Variants in TENM4 observed in about 807,000 individuals in gnomAD.
The protein encoded by TENM4 is teneurin transmembrane protein 4.
A neutral mutation model predicts 243.3 loss-of-function variants in TENM4; 82 were observed. The ratio of observed to expected loss-of-function variants is 0.34; its 90% CI spans 0.28 to 0.40. The LOEUF (loss-of-function observed/expected upper bound fraction) is 0.40, where lower values mean the gene tolerates loss of function less well. Ranked by LOEUF, TENM4 falls within the 10% of genes least tolerant of loss-of-function variation. The pLI is 1.00. For synonymous variants in TENM4, 1,412 were observed against 1,456.3 expected, an observed-to-expected ratio of 0.97 and a Z score of 0.69; for missense variants, 3,138 against 3,673.3, an observed-to-expected ratio of 0.85 and a Z score of 3.77.
At chr11:78,869,131 CAG>C (rs1427468374) in intron 9 of TENM4, among the ~76,000 whole-genome samples, 1 of 151,584 alleles carries the variant, frequency 6.6e-6, no homozygotes, top group Non-Finnish European at 1.5e-5. Context: ...GGCAGGATAA[CAG>C]AAAAAAAATT....
intron 28 of TENM4, among the ~76,000 whole-genome samples, chr11:78,697,062 C>T (rs1044485632): frequency 6.6e-5 from 10 of 152,174 alleles, no homozygotes; most frequent in African/African-American, 2.4e-4. Context: ...TCCCCCAGGT[C>T]GACCACAAAG....
chr11:79,111,428 T>C (rs144481936), intron 4 of TENM4, among the ~76,000 whole-genome samples: 2,739 of 152,058 alleles, frequency 0.018, 79 homozygotes, highest in South Asian at 0.065. Context: ...ACCTGTAGTC[T>C]CAGCTACTTG....
At chr11:78,683,960 C>T (rs148153163) in intron 29 of TENM4, among the ~76,000 whole-genome samples, 5 of 152,170 alleles carry the variant, frequency 3.3e-5, no homozygotes, top group African/African-American at 4.8e-5. Context: ...GCACTGCCCC[C>T]GTCTTCAGTA....
At chr11:79,308,218 T>G (rs1856659340) in intron 1 of TENM4, among the ~76,000 whole-genome samples, 1 of 152,264 alleles carries the variant, frequency 6.6e-6, no homozygotes, top group Non-Finnish European at 1.5e-5. Flanking sequence ...CCATGGACCT[T>G]TTTGAAACTT....
chr11:78,997,486 C>T (rs1473967850), intron 6 of TENM4, among the ~76,000 whole-genome samples: 2 of 152,162 alleles, frequency 1.3e-5, no homozygotes, highest in Non-Finnish European at 2.9e-5. Context: ...GGTTAAAATA[C>T]GTGCCATAGT....
intron 1 of TENM4, among the ~76,000 whole-genome samples, chr11:79,361,981 A>G (rs1308519971): frequency 1.3e-5 from 2 of 152,184 alleles, no homozygotes; most frequent in Non-Finnish European, 2.9e-5. Context: ...GTGCCTCAAC[A>G]CAGTACATAT....
chr11:78,982,541 T>TGGG (rs1450177216), intron 6 of TENM4, among the ~76,000 whole-genome samples: 1 of 152,120 alleles, frequency 6.6e-6, no homozygotes, highest in African/African-American at 2.4e-5. Context: ...GTGGTCATGC[T>TGGG]GGGCCCTGCC....
At chr11:79,155,178 G>T (rs1312793070) in intron 3 of TENM4, among the ~76,000 whole-genome samples, 1 of 152,118 alleles carries the variant, frequency 6.6e-6, no homozygotes, top group East Asian at 1.9e-4. Flanking sequence ...ACCCTAGCGG[G>T]ACCCAGAAGA....
rs1318070375 is a variant in TENM4, at chr11:78,663,230, TG to T, written c.7409-1640del. ...ATCAGAGACTAAGAATCCAAATTCT[TG>T]GGGAGGCAGGATTTTGATTTGAGCC... On this transcript the variant is annotated intron_variant, in intron 32 of 33. Coordinates refer to ENST00000278550, the MANE Select transcript of TENM4 (RefSeq NM_001098816.3). Among the ~76,000 whole-genome samples, 4 of 152,186 alleles carry T rather than the reference TG, an allele frequency of 2.6e-5. 1 individual carries two copies. The highest frequency in any genetic ancestry group is 2.9e-5 in the Non-Finnish European group (2 of 68,020).
At chr11:79,320,247 TGTTA>T (rs1408295123) in intron 1 of TENM4, among the ~76,000 whole-genome samples, 1 of 152,232 alleles carries the variant, frequency 6.6e-6, no homozygotes, top group African/African-American at 2.4e-5. Context: ...GAGCTGTGCA[TGTTA>T]GTTGCTTTTT....
At chr11:79,141,886 A>G (rs1862291475) in intron 4 of TENM4, among the ~76,000 whole-genome samples, 1 of 152,118 alleles carries the variant, frequency 6.6e-6, no homozygotes, top group Admixed American at 6.6e-5. Context: ...TAGAATGAAG[A>G]ATGAAAATCA....
chr11:78,972,408 A>AT (rs1280272638), intron 6 of TENM4, among the ~76,000 whole-genome samples: 2 of 151,976 alleles, frequency 1.3e-5, no homozygotes, highest in Admixed American at 1.3e-4. Context: ...GACGCAGTAA[A>AT]TTTCTCAGGC....
At chr11:78,847,898 G>T (rs1858437817) in intron 12 of TENM4, among the ~76,000 whole-genome samples, 1 of 152,098 alleles carries the variant, frequency 6.6e-6, no homozygotes, top group African/African-American at 2.4e-5. Context: ...TTTCTCTCCG[G>T]ATCTTTGCAA....
At chr11:78,815,523 C>T (rs962950712) in intron 12 of TENM4, among the ~76,000 whole-genome samples, 1 of 152,148 alleles carries the variant, frequency 6.6e-6, no homozygotes, top group African/African-American at 2.4e-5. Flanking sequence ...CTCTGTGTGA[C>T]AGGTCAAGAA....
intron 6 of TENM4, among the ~76,000 whole-genome samples, chr11:78,992,006 T>TGATTAACTTTG (rs1206953197): frequency 1.3e-5 from 2 of 152,326 alleles, no homozygotes; most frequent in African/African-American, 4.8e-5. Context: ...GGATTTTCCC[T>TGATTAACTTTG]AAATTTGAAA....
chr11:79,320,029 G>T (rs1856861901), intron 1 of TENM4, among the ~76,000 whole-genome samples: 1 of 152,178 alleles, frequency 6.6e-6, no homozygotes, highest in Admixed American at 6.5e-5. Context: ...TGCAGTGGAG[G>T]TTCCTGGCAG....
intron 4 of TENM4, among the ~76,000 whole-genome samples, chr11:79,109,927 T>C (rs774509573): frequency 2.0e-5 from 3 of 152,212 alleles, no homozygotes; most frequent in Non-Finnish European, 2.9e-5. Flanking sequence ...AATCCACACC[T>C]GGCACACTGT....
chr11:78,973,150 G>A (rs755686353), intron 6 of TENM4, among the ~76,000 whole-genome samples: 2 of 152,158 alleles, frequency 1.3e-5, no homozygotes, highest in African/African-American at 2.4e-5. Context: ...GCAAACCTTT[G>A]TGTATACATT....
intron 1 of TENM4, chr11:79,422,226 A>G (rs2135592183): frequency 6.8e-6 from 1 of 147,852 alleles, no homozygotes; most frequent in South Asian, 2.3e-4. Flanking sequence ...GGAGTACCAT[A>G]TTAAATCACC....
Sources: allele counts gnomAD v4.1 joint callset (sites outside exome capture counted in the v4.1 genomes callset), GRCh38; gene constraint gnomAD v4.1.1; transcripts MANE v1.5; gene names NCBI Gene and HGNC (gene_info 2026-07-23, HGNC 2026-07-21).